SH3D19: variants seen among roughly 807,000 people sequenced by gnomAD.
The protein encoded by SH3D19 is SH3 domain-containing protein 19.
A neutral mutation model predicts 112.1 loss-of-function variants in SH3D19; 58 were observed. That is an observed-to-expected ratio of 0.52 (90% confidence interval 0.42 to 0.64). The LOEUF (loss-of-function observed/expected upper bound fraction) is 0.64, where lower values mean the gene tolerates loss of function less well. SH3D19 is among the 30% of genes least tolerant of loss of function. The pLI, the probability that SH3D19 is intolerant of heterozygous loss-of-function variation, is 0.00. For synonymous variants in SH3D19, 391 were observed against 448.5 expected, an observed-to-expected ratio of 0.87 and a Z score of 1.62; for missense variants, 1,090 against 1,263.4, an observed-to-expected ratio of 0.86 and a Z score of 2.08.
chr4:151,250,432 A>ATG (rs1771275090), intron 1 of SH3D19, among the ~76,000 whole-genome samples: 2 of 152,100 alleles, frequency 1.3e-5, no homozygotes, highest in East Asian at 1.9e-4. Context: ...ATTTATATAT[A>ATG]TGTGTGTGTA....
intron 1 of SH3D19, among the ~76,000 whole-genome samples, chr4:151,307,233 G>A (rs1032521903): frequency 6.6e-6 from 1 of 151,502 alleles, no homozygotes; most frequent in African/African-American, 2.4e-5. Context: ...CGTTTTAGCC[G>A]GGATGGTCTC....
chr4:151,189,238 C>G (rs1762255206), intron 2 of SH3D19, among the ~76,000 whole-genome samples: 1 of 152,052 alleles, frequency 6.6e-6, no homozygotes, highest in African/African-American at 2.4e-5. Context: ...CTCAGCCTCC[C>G]AAGCAGCTGG....
chr4:151,198,298 C>A (rs1763788287), intron 2 of SH3D19, among the ~76,000 whole-genome samples: 1 of 122,828 alleles, frequency 8.1e-6, no homozygotes, highest in Non-Finnish European at 1.7e-5. Context: ...CAGCGAGACT[C>A]TGTCTCAAAA....
In SH3D19 at chr4:151,296,201, C is replaced by T. The variant is rs1293314174; in HGVS notation, c.112+29040G>A. Among the ~76,000 whole-genome samples the T allele has an allele frequency of 2.0e-5, 3 of 152,064 alleles. No individual in the cohort carries two copies. In the East Asian group the frequency reaches 5.8e-4, roughly 29 times the overall value. On this transcript the variant is annotated intron_variant, in intron 1 of 19. Transcript: ENST00000604030. ...AAAACATGAACAGGGAGTTTCTCTCCTGCTTCAAGTATACAAATAATTCCT... is the reference window on the plus strand; with the variant it reads ...AAAACATGAACAGGGAGTTTCTCTCTTGCTTCAAGTATACAAATAATTCCT...
intron 2 of SH3D19, among the ~76,000 whole-genome samples, chr4:151,191,134 T>C (rs1349576634): frequency 6.6e-6 from 1 of 152,230 alleles, no homozygotes; most frequent in Non-Finnish European, 1.5e-5. Context: ...CCCTTTGTTT[T>C]GGCCAATTTC....
At chr4:151,301,506 C>A (rs1024211356) in intron 1 of SH3D19, among the ~76,000 whole-genome samples, 5 of 152,168 alleles carry the variant, frequency 3.3e-5, no homozygotes, top group Admixed American at 6.5e-5. Flanking sequence ...GGATTACAAG[C>A]GTGAGCCACC....
chr4:151,175,407 T>C lies in SH3D19; in HGVS notation c.797A>G (p.Gln266Arg), dbSNP rs773073596. 56 of 1,552,542 alleles carry C rather than the reference T, an allele frequency of 3.6e-5. No homozygotes were observed. The highest frequency in any genetic ancestry group is 4.6e-5 in the Non-Finnish European group (53 of 1,151,608). Residue 266 changes from glutamine to arginine, a missense_variant, in exon 7 of 20, where the codon CAG (glutamine) becomes CGG (arginine). Coordinates refer to ENST00000604030, the MANE Select transcript of SH3D19 (RefSeq NM_001378122.1). ...VGEESSPGRP[Q>R]SLLDNASTSD... ...GGTGCTAGCGTTGTCCAGCAGAGACTGGGGCCGGCCTGGGGATGACTCCTC... is the reference window on the plus strand; with the variant it reads ...GGTGCTAGCGTTGTCCAGCAGAGACCGGGGCCGGCCTGGGGATGACTCCTC...
At chr4:151,233,510 T>G (rs1022403207) in intron 1 of SH3D19, among the ~76,000 whole-genome samples, 1 of 152,114 alleles carries the variant, frequency 6.6e-6, no homozygotes, top group Non-Finnish European at 1.5e-5. Context: ...TTTCCTCCAA[T>G]AGTGTAGCAT....
At chr4:151,310,458 A>G (rs747125440) in intron 1 of SH3D19, among the ~76,000 whole-genome samples, 4 of 152,162 alleles carry the variant, frequency 2.6e-5, no homozygotes, top group African/African-American at 7.2e-5. Context: ...TGATCGGTGC[A>G]CTGGTATAGC....
At chr4:151,324,240 G>T (rs573675408) in intron 1 of SH3D19, among the ~76,000 whole-genome samples, 7 of 152,220 alleles carry the variant, frequency 4.6e-5, no homozygotes, top group South Asian at 2.1e-4. Flanking sequence ...CCCTCCATTT[G>T]TTCCGCACAG....
At chr4:151,134,483 A>C (rs1479035356) in intron 15 of SH3D19, among the ~76,000 whole-genome samples, 1 of 152,210 alleles carries the variant, frequency 6.6e-6, no homozygotes, top group Non-Finnish European at 1.5e-5. Context: ...AACATACAAA[A>C]TGTCTAGCAG....
chr4:151,318,152 T>A (rs1299216032), intron 1 of SH3D19, among the ~76,000 whole-genome samples: 1 of 148,018 alleles, frequency 6.8e-6, no homozygotes, highest in Non-Finnish European at 1.5e-5. Flanking sequence ...AAAAAAAAAA[T>A]TAGCCGGGCA....
At chr4:151,135,504 T>A (rs1190551709) in intron 14 of SH3D19, among the ~76,000 whole-genome samples, 1 of 137,340 alleles carries the variant, frequency 7.3e-6, no homozygotes, top group Non-Finnish European at 1.5e-5. Flanking sequence ...CAGAACTCAC[T>A]GCAGCCTTGA....
chr4:151,228,062 G>T lies in SH3D19; in HGVS notation c.113-1976C>A, dbSNP rs187413128. ...TCTCCTTCGTTCTTGGTTAAAACAGGAAATTCTACAGTCATTTTTATACTT... is the reference window on the plus strand; with the variant it reads ...TCTCCTTCGTTCTTGGTTAAAACAGTAAATTCTACAGTCATTTTTATACTT... On this transcript the variant is annotated intron_variant, in intron 1 of 19. Transcript: ENST00000604030. 9.1e-6 allele frequency: 9 copies of T among 984,762 alleles called. No individual in the cohort carries two copies. In the Admixed American group the frequency reaches 5.5e-4, roughly 61 times the overall value. 61.0% of individuals were successfully genotyped at this position (984,762 alleles called of 1,614,324 possible).
intron 1 of SH3D19, among the ~76,000 whole-genome samples, chr4:151,250,009 TA>T (rs1472488355): frequency 6.6e-6 from 1 of 152,180 alleles, no homozygotes; most frequent in Non-Finnish European, 1.5e-5. Context: ...GGGGAAGAGA[TA>T]ATCAGTGTGA....
Position 151,216,330 on chromosome 4 carries a change from A to G in SH3D19, c.152+9717T>C, listed in dbSNP as rs1244274941. ...TGATGTATGCTGTGTTCAATAAGGGAAAATATTTGAATAAAAATTTAAAGT... is the reference window on the plus strand; with the variant it reads ...TGATGTATGCTGTGTTCAATAAGGGGAAATATTTGAATAAAAATTTAAAGT... On this transcript the variant is annotated intron_variant, in intron 2 of 19. Transcript: ENST00000604030. Among the ~76,000 whole-genome samples the G allele has an allele frequency of 7.2e-5, 11 of 152,166 alleles. No homozygotes were observed. In the East Asian group the frequency reaches 2.1e-3, roughly 29 times the overall value.
intron 2 of SH3D19, among the ~76,000 whole-genome samples, chr4:151,222,396 G>A (rs904989091): frequency 1.3e-5 from 2 of 152,018 alleles, no homozygotes; most frequent in African/African-American, 4.8e-5. Flanking sequence ...TTTTCCCCCT[G>A]AATTGAGATT....
intron 3 of SH3D19, among the ~76,000 whole-genome samples, chr4:151,185,328 G>A (rs1396300180): frequency 6.6e-6 from 1 of 152,118 alleles, no homozygotes; most frequent in Non-Finnish European, 1.5e-5. Flanking sequence ...GGCATAGCTT[G>A]TCCTCAGACG....
At chr4:151,236,176 G>A (rs1377653753) in intron 1 of SH3D19, among the ~76,000 whole-genome samples, 12 of 152,258 alleles carry the variant, frequency 7.9e-5, no homozygotes, top group Non-Finnish European at 1.5e-4. Context: ...CTGCCGCTGC[G>A]CTGTGGGGGC....
Sources: allele counts gnomAD v4.1 joint callset (sites outside exome capture counted in the v4.1 genomes callset), GRCh38; gene constraint gnomAD v4.1.1; transcripts MANE v1.5; gene names NCBI Gene and HGNC (gene_info 2026-07-23, HGNC 2026-07-21).